The following RECK variants were observed in gnomAD, a reference collection of about 807,000 sequenced individuals.
The protein encoded by RECK is reversion inducing cysteine rich protein with kazal motifs.
In RECK, 69 loss-of-function variants were observed where a neutral mutation model predicts 115.1. That is an observed-to-expected ratio of 0.60 (90% CI 0.49 to 0.73). The LOEUF (loss-of-function observed/expected upper bound fraction) is 0.73. RECK is among the 30% of genes least tolerant of loss of function. RECK has a pLI of 0.00. For missense variants in RECK, 1,047 were observed against 1,203.7 expected, an observed-to-expected ratio of 0.87 and a Z score of 1.93; for synonymous variants, 414 against 419.7, an observed-to-expected ratio of 0.99 and a Z score of 0.17.
At chr9:36,121,919 G>A (rs1824474965) in intron 20 of RECK, among the ~76,000 whole-genome samples, 1 of 152,250 alleles carries the variant, frequency 6.6e-6, no homozygotes, top group African/African-American at 2.4e-5. Flanking sequence ...AGAGGCACCA[G>A]GGCAGGGGAG....
chr9:36,067,497 G>T (rs1822054044), intron 6 of RECK, among the ~76,000 whole-genome samples: 1 of 152,086 alleles, frequency 6.6e-6, no homozygotes, highest in African/African-American at 2.4e-5. Flanking sequence ...GAAGGGATTT[G>T]CTAAGAAATT....
Position 36,036,920 on chromosome 9 carries a change from C to G in RECK, c.-79C>G. On this transcript the variant is annotated 5_prime_UTR_variant, in exon 1 of 21. Coordinates refer to ENST00000377966, the MANE Select transcript of RECK (RefSeq NM_021111.3). The stretch of plus-strand genomic sequence containing the variant: ...CGCTGGGGGCGGGGCCTCGCGCGAG[C>G]GGCGGCGGTAGCGGCGGCAGCGGCT... The G allele has an allele frequency of 1.1e-6, 1 of 943,504 alleles. No individual in the cohort carries two copies. 58.4% of individuals were successfully genotyped at this position (943,504 alleles called of 1,614,324 possible).
intron 12 of RECK, among the ~76,000 whole-genome samples, chr9:36,102,860 G>T (rs745891206): frequency 1.3e-5 from 2 of 151,390 alleles, no homozygotes; most frequent in Non-Finnish European, 2.9e-5. Flanking sequence ...GGAGGCCGAG[G>T]CAGGAGAATG....
At position 36,114,304 on chromosome 9, in the gene RECK, A is replaced by G. The variant is rs555418947; in HGVS notation, c.2060+1828A>G. On this transcript the variant is annotated intron_variant, in intron 16 of 20. Transcript: ENST00000377966. ...ATAAACATCTAGCCAATCTGCCACA[A>G]TGCTTAACCTTCTTCATGTTAAGAG... Among the ~76,000 whole-genome samples the G allele has an allele frequency of 7.2e-5, 11 of 152,364 alleles. No individual in the cohort carries two copies. The South Asian group carries it at 2.3e-3, about 32-fold the overall frequency.
chr9:36,066,751 A>G lies in RECK; in HGVS notation c.405+1127A>G. On this transcript the variant is annotated intron_variant, in intron 6 of 20. Coordinates refer to ENST00000377966, the MANE Select transcript of RECK (RefSeq NM_021111.3). ...TCTTTTCTCCTACATGATGTCTGAC[A>G]CTGTCCATCTTCCATAGCCTGTCCT... 4 of 1,254,540 alleles carry G rather than the reference A, an allele frequency of 3.2e-6. No individual in the cohort carries two copies. The South Asian group carries it at 5.1e-5, about 16-fold the overall frequency. The allele number at this position is 1,254,540 out of a possible 1,614,324, so 77.7% of individuals were successfully genotyped here.
chr9:36,103,297 GAAGTA>G (rs1291783642), intron 12 of RECK, among the ~76,000 whole-genome samples: 2 of 152,204 alleles, frequency 1.3e-5, no homozygotes, highest in African/African-American at 4.8e-5. Flanking sequence ...AGAACAAATA[GAAGTA>G]AAGAAAGCCC....
intron 11 of RECK, among the ~76,000 whole-genome samples, chr9:36,101,620 T>C (rs1432851920): frequency 1.3e-5 from 2 of 152,160 alleles, no homozygotes; most frequent in African/African-American, 2.4e-5. Flanking sequence ...AGGAGTCAAA[T>C]CCCTATTGAA....
intron 1 of RECK, among the ~76,000 whole-genome samples, chr9:36,040,116 C>A (rs765176629): frequency 3.3e-5 from 5 of 152,184 alleles, no homozygotes; most frequent in Non-Finnish European, 7.3e-5. Flanking sequence ...ACTTATTATA[C>A]GTCAGGCACT....
chr9:36,070,758 A>T (rs1318903232), intron 6 of RECK, among the ~76,000 whole-genome samples: 1 of 152,194 alleles, frequency 6.6e-6, no homozygotes, highest in African/African-American at 2.4e-5. Flanking sequence ...TGAATACCTA[A>T]GAAATAATAT....
At chr9:36,062,794 C>T (rs74327773) in intron 4 of RECK, among the ~76,000 whole-genome samples, 192 of 152,134 alleles carry the variant, frequency 1.3e-3, no homozygotes, top group African/African-American at 4.5e-3. Context: ...CCTACTTTTG[C>T]CTTAGGATTC....
chr9:36,101,867 C>T (rs1051792335), intron 11 of RECK, among the ~76,000 whole-genome samples: 20 of 152,102 alleles, frequency 1.3e-4, no homozygotes, highest in Non-Finnish European at 2.5e-4. Flanking sequence ...AGTAACAGTA[C>T]GAAGAAGTGT....
chr9:36,077,229 C>A (rs768735217), intron 6 of RECK, among the ~76,000 whole-genome samples: 1 of 151,996 alleles, frequency 6.6e-6, no homozygotes, highest in South Asian at 2.1e-4. Context: ...GAATACGAAC[C>A]CTCAGTTACC....
chr9:36,120,766 A>C, intron 19 of RECK, 30 bp downstream of exon 19: 1 of 1,361,286 alleles, frequency 7.3e-7, no homozygotes. Flanking sequence ...GATGCTATTG[A>C]AATCTTATTG....
intron 8 of RECK, among the ~76,000 whole-genome samples, chr9:36,087,143 T>A (rs146870598): frequency 1.3e-5 from 2 of 152,226 alleles, no homozygotes; most frequent in African/African-American, 4.8e-5. Context: ...ACTGCCATGT[T>A]CTGTGCTAAG....
At chr9:36,058,230 T>C (rs1821609441) in intron 2 of RECK, among the ~76,000 whole-genome samples, 1 of 151,942 alleles carries the variant, frequency 6.6e-6, no homozygotes, top group Non-Finnish European at 1.5e-5. Flanking sequence ...TTATTCACAA[T>C]AGCAAAGACT....
At position 36,108,075 on chromosome 9, in the gene RECK, C is replaced by A; in HGVS notation, c.1676C>A (p.Ser559Ter). 6.2e-7 allele frequency: 1 copy of A among 1,613,876 alleles called. No individual in the cohort carries two copies. Among genetic ancestry groups the A allele is most frequent in the East Asian group, 2.2e-5 (1 of 44,870 alleles). Residue 559 changes from serine to a stop codon, truncating the protein, a stop_gained, in exon 14 of 21, where the codon TCA becomes TAA. Coordinates refer to ENST00000377966, the MANE Select transcript of RECK (RefSeq NM_021111.3). LOFTEE classifies it high-confidence loss of function. ...AGEVGCYKICSCGQSGLLENC... is the reference protein window; with the variant it reads ...AGEVGCYKIC Reference sequence around the variant, plus strand: ...GAAGTTGGTTGTTATAAAATCTGTTCATGTGGACAAAGTGGACTCTTAGAA... The same window carrying A: ...GAAGTTGGTTGTTATAAAATCTGTTAATGTGGACAAAGTGGACTCTTAGAA...
intron 19 of RECK, 104 bp from the exon 20 acceptor site, chr9:36,121,429 G>C (rs1824454441): frequency 9.2e-7 from 1 of 1,081,374 alleles, no homozygotes. Context: ...GCTGAGGGCT[G>C]TGCGGTCAAA....
At chr9:36,121,510 T>A (rs1675536051) in intron 19 of RECK, 23 bp from the exon 20 acceptor site, 1 of 1,607,322 alleles carries the variant, frequency 6.2e-7, no homozygotes, top group African/African-American at 1.3e-5. Context: ...TTTTTTCAGG[T>A]AATACATGTT....
intron 5 of RECK, among the ~76,000 whole-genome samples, chr9:36,064,362 G>T (rs1380756022): frequency 6.6e-6 from 1 of 152,102 alleles, no homozygotes; most frequent in Non-Finnish European, 1.5e-5. Flanking sequence ...TCTTTGATTT[G>T]ATATAGTTCT....
Sources: allele counts gnomAD v4.1 joint callset (sites outside exome capture counted in the v4.1 genomes callset), GRCh38; gene constraint gnomAD v4.1.1; transcripts MANE v1.5; gene names NCBI Gene and HGNC (gene_info 2026-07-23, HGNC 2026-07-21).